Variants in TPM4 observed in about 807,000 individuals in gnomAD.
TPM4 encodes the protein tropomyosin 4.
In TPM4, 17 loss-of-function variants were observed where a neutral mutation model predicts 35.8. The ratio of observed to expected loss-of-function variants is 0.47; its 90% CI spans 0.32 to 0.71. TPM4 has a LOEUF of 0.71. TPM4 is among the 30% of genes least tolerant of loss of function. The pLI is 0.03. For missense variants in TPM4, 240 were observed against 320.9 expected (o/e 0.75, Z 1.93); for synonymous variants, 120 against 122.9 (o/e 0.98, Z 0.15).
At chr19:16,078,982 G>A (rs932431737) in intron 1 of TPM4, among the ~76,000 whole-genome samples, 1 of 152,116 alleles carries the variant, frequency 6.6e-6, no homozygotes, top group African/African-American at 2.4e-5. Context: ...CATGTATCTA[G>A]CAAGCCTCTT....
At position 16,067,633 on chromosome 19, in the gene TPM4, C is replaced by T. The variant is rs377084446; in HGVS notation, c.9C>T (p.Ala3=). 1 of 1,613,512 alleles carries T rather than the reference C, an allele frequency of 6.2e-7. No individual in the cohort carries two copies. The highest frequency in any genetic ancestry group is 1.3e-5 in the African/African-American group (1 of 75,056). ...CACGCCAGCGCCCAGCCATGGAGGC[C>T]ATCAAGAAGAAAATGCAGATGCTGA... is the stretch of plus-strand genomic sequence containing the variant. Residue 3 remains alanine (A), a synonymous_variant, in exon 2 of 3, where the codon GCC becomes GCT. Transcript: ENST00000589897. This position sits in a 1 kb window ranked among gnomAD's most constrained non-coding sequence, Gnocchi z 4.1.
chr19:16,079,210 C>G (rs913865066), intron 1 of TPM4, among the ~76,000 whole-genome samples: 2 of 152,212 alleles, frequency 1.3e-5, no homozygotes, highest in Admixed American at 6.5e-5. Flanking sequence ...GGGCTACTCA[C>G]TTCTTAAAAG....
At chr19:16,073,878 G>A (rs2090377136), upstream of TPM4, among the ~76,000 whole-genome samples, 1 of 136,012 alleles carries the variant, frequency 7.4e-6, no homozygotes, top group Admixed American at 8.6e-5. Flanking sequence ...GGAGGTCAAG[G>A]CTGCAGTAAG....
Position 16,067,705 on chromosome 19 carries a change from G to C in TPM4, c.81G>C (p.Ala27=). 6.2e-7 allele frequency: 1 copy of C among 1,613,400 alleles called. No homozygotes were observed. Among genetic ancestry groups the C allele is most frequent in the Admixed American group, 1.7e-5 (1 of 59,944 alleles). Residue 27 remains alanine, a synonymous_variant, in exon 2 of 3, where the codon GCG becomes GCC. Coordinates refer to the TPM4 transcript ENST00000589897. This position sits in a 1 kb window ranked among gnomAD's most constrained non-coding sequence, Gnocchi z 4.1. ...TCGACCGCGCGGAGCAGGCGGAGGC[G>C]GATAAGAAAGCCGCTGAGGACAAGT...
intron 7 of TPM4, among the ~76,000 whole-genome samples, chr19:16,096,939 T>TTTTTC (rs1181270124): frequency 1.3e-4 from 3 of 23,064 alleles, no homozygotes; most frequent in African/African-American, 7.1e-4. Context: ...GGTCACTCTT[T>TTTTTC]TTTTTTTTTT....
At chr19:16,099,070 C>CTGTG (rs3222768) in intron 7 of TPM4, among the ~76,000 whole-genome samples, 1,677 of 109,774 alleles carry the variant, frequency 0.015, 18 homozygotes, top group East Asian at 0.03. Flanking sequence ...TCACTTGACT[C>CTGTG]TGTGTGTGTG....
At chr19:16,093,643 G>T in intron 6 of TPM4, 41 bp from the exon 7 acceptor site, 1 of 1,614,206 alleles carries the variant, frequency 6.2e-7, no homozygotes, top group Non-Finnish European at 8.5e-7. Flanking sequence ...TCCTGGGGCT[G>T]GTCTTGAAGC....
In TPM4 at chr19:16,102,954, T is replaced by C. The variant is rs2090777471; in HGVS notation, c.*1608T>C. Reference sequence around the variant, plus strand: ...ATTCTTGCAACTGTATCATATGTAATAGTATCACTTTTTCTACATTTTGGT... The same window carrying C: ...ATTCTTGCAACTGTATCATATGTAACAGTATCACTTTTTCTACATTTTGGT... On this transcript the variant is annotated 3_prime_UTR_variant, in exon 8 of 8. Coordinates refer to ENST00000643579, the MANE Select transcript of TPM4 (RefSeq NM_003290.3). 1 of 207,292 alleles carries C rather than the reference T, an allele frequency of 4.8e-6. No individual in the cohort carries two copies. Among genetic ancestry groups the C allele is most frequent in the African/African-American group, 2.3e-5 (1 of 43,766 alleles). The allele number at this position is 207,292 out of a possible 1,614,324, so 12.8% of individuals were successfully genotyped here.
At chr19:16,095,724 T>C (rs1890205564) in intron 7 of TPM4, 7 of 372,776 alleles carry the variant, frequency 1.9e-5, no homozygotes, top group Non-Finnish European at 2.2e-5. Context: ...CGCTGTTAGC[T>C]AACGGCATCT....
intron 7 of TPM4, among the ~76,000 whole-genome samples, 153 bp downstream of exon 7, chr19:16,093,906 G>A (rs1198619728): frequency 6.6e-6 from 1 of 151,540 alleles, no homozygotes; most frequent in Non-Finnish European, 1.5e-5. Flanking sequence ...TGGATGTCCT[G>A]GAACACTGGA....
Position 16,093,841 on chromosome 19 carries a change from G to T in TPM4, c.664+88G>T, listed in dbSNP as rs1294741786. 7 of 1,470,078 alleles carry T rather than the reference G, an allele frequency of 4.8e-6. No individual in the cohort carries two copies. The Admixed American group carries it at 7.0e-5, about 15-fold the overall frequency. 91.1% of individuals were successfully genotyped at this position (1,470,078 alleles called of 1,614,324 possible). A position where few individuals can be genotyped will look rare whatever the true frequency, so the allele number is the denominator to read the frequency against. On this transcript the variant is annotated intron_variant, in intron 7 of 7. Coordinates refer to ENST00000643579, the MANE Select transcript of TPM4 (RefSeq NM_003290.3). ...ACAGTTGGGGAATGTTTGTGGAGGG[G>T]CTGGGTTGGGCTTTGTTTGCCTTAG... is the stretch of plus-strand genomic sequence containing the variant.
At chr19:16,099,822 T>C (rs1282241092) in intron 7 of TPM4, 1 of 152,136 alleles carries the variant, frequency 6.6e-6, no homozygotes, top group East Asian at 1.9e-4. Context: ...TTAATTTAAA[T>C]TGTTTCATCA....
chr19:16,076,709 G>A lies in TPM4; in HGVS notation c.132+12G>A. 7.5e-7 allele frequency: 1 copy of A among 1,327,766 alleles called. No individual in the cohort carries two copies. The highest frequency in any genetic ancestry group is 9.6e-7 in the Non-Finnish European group (1 of 1,040,044). 82.2% of individuals were successfully genotyped at this position (1,327,766 alleles called of 1,614,324 possible). ...AGCGGCGCGAGAAAGTGAGCGCCCC[G>A]GCCTCGGGCCCCGCACCCGCAGCCT... On this transcript the variant is annotated intron_variant, in intron 1 of 7. Transcript: ENST00000643579.
upstream of TPM4, among the ~76,000 whole-genome samples, chr19:16,071,970 C>T (rs1184472429): frequency 1.3e-5 from 2 of 152,200 alleles, no homozygotes; most frequent in African/African-American, 2.4e-5. Context: ...GACGGGCACG[C>T]GCCACCAGGC....
chr19:16,088,793 C>T, intron 4 of TPM4: 1 of 1,255,606 alleles, frequency 8.0e-7, no homozygotes, highest in Non-Finnish European at 1.0e-6. Flanking sequence ...TGGCAAAAGA[C>T]CAGGAGTGTT....
chr19:16,074,583 G>A (rs1324174637), upstream of TPM4: 2 of 152,232 alleles, frequency 1.3e-5, no homozygotes, highest in Non-Finnish European at 2.9e-5. Context: ...CACATGAATT[G>A]GAGAGGGGGC....
chr19:16,089,008 G>A, intron 4 of TPM4, 37 bp from the exon 5 acceptor site: 1 of 1,613,408 alleles, frequency 6.2e-7, no homozygotes, highest in East Asian at 2.2e-5. Flanking sequence ...CGGCTGTAAG[G>A]GAAGATAAGA....
chr19:16,097,509 G>C (rs2090715926), intron 7 of TPM4, among the ~76,000 whole-genome samples: 1 of 151,778 alleles, frequency 6.6e-6, no homozygotes, highest in Non-Finnish European at 1.5e-5. Context: ...CCTGACCTCA[G>C]GTGATCCACC....
intron 2 of TPM4, among the ~76,000 whole-genome samples, chr19:16,069,916 C>G (rs1396017066): frequency 1.3e-5 from 2 of 151,776 alleles, no homozygotes; most frequent in Non-Finnish European, 2.9e-5. Flanking sequence ...CACTATGCCC[C>G]TGGATCAGGA....
Sources: allele counts gnomAD v4.1 joint callset (sites outside exome capture counted in the v4.1 genomes callset), GRCh38; gene constraint gnomAD v4.1.1; non-coding constraint Gnocchi (gnomAD v3.1); transcripts MANE v1.5; gene names NCBI Gene and HGNC (gene_info 2026-07-23, HGNC 2026-07-21).